Variants in LTF observed in about 807,000 individuals in gnomAD.
LTF encodes the protein epididymis luminal protein 110.
A neutral mutation model predicts 87.2 loss-of-function variants in LTF; 91 were observed. The ratio of observed to expected loss-of-function variants is 1.04; its 90% CI spans 0.88 to 1.24. The LOEUF (loss-of-function observed/expected upper bound fraction) is 1.24, where lower values mean the gene tolerates loss of function less well. LTF is among the 50% of genes most tolerant of loss of function. LTF has a pLI of 0.00. For synonymous variants in LTF, 378 were observed against 356.1 expected (o/e 1.06, Z -0.69); for missense variants, 901 against 904.3 (o/e 1.00, Z 0.05).
At chr3:46,439,513 C>A (rs754048524) in intron 14 of LTF, 33 bp from the exon 15 acceptor site, 2 of 1,565,248 alleles carry the variant, frequency 1.3e-6, no homozygotes, top group South Asian at 1.2e-5. Context: ...ATCATCCACG[C>A]CTCCCCTGCT....
In LTF at chr3:46,448,889, T is replaced by C. The variant is rs1702724972; in HGVS notation, c.1186A>G (p.Thr396Ala). Residue 396 changes from threonine (T) to alanine (A), a missense_variant, in exon 9 of 17, where the codon ACA becomes GCA. Transcript: ENST00000231751. ...GSVTCSSAST[T>A]EDCIALVLKG... ...AGCACCAGGGCGATGCAGTCCTCTG[T>C]GGTGGAGGCCGAGGAGCAGGTCACG... 1 of 1,613,514 alleles carries C rather than the reference T, an allele frequency of 6.2e-7. No homozygotes were observed. The highest frequency in any genetic ancestry group is 8.5e-7 in the Non-Finnish European group (1 of 1,179,832).
chr3:46,482,077 T>C (rs191481438), intron 1 of LTF, among the ~76,000 whole-genome samples: 54 of 152,298 alleles, frequency 3.5e-4, no homozygotes, highest in African/African-American at 1.3e-3. Context: ...TTTTTGATAC[T>C]GGAGAAATAT....
At chr3:46,462,876 G>A (rs1431984232) in intron 1 of LTF, among the ~76,000 whole-genome samples, 1 of 139,508 alleles carries the variant, frequency 7.2e-6, no homozygotes, top group African/African-American at 2.7e-5. Context: ...TAAAATGGAA[G>A]ACCATGCCTC....
At chr3:46,473,623 C>T (rs115783274) in intron 1 of LTF, among the ~76,000 whole-genome samples, 1,868 of 152,200 alleles carry the variant, frequency 0.012, 18 homozygotes, top group Non-Finnish European at 0.019. Context: ...TTTTTTTCAG[C>T]TTCTAGAGGC....
At chr3:46,484,462 C>T (rs900971384) in intron 1 of LTF, among the ~76,000 whole-genome samples, 1 of 152,118 alleles carries the variant, frequency 6.6e-6, no homozygotes. Context: ...ACTGAGGTTC[C>T]CTCCAGGCAG....
chr3:46,465,124 T>C, upstream of LTF: 1 of 551,046 alleles, frequency 1.8e-6, no homozygotes, highest in Non-Finnish European at 3.2e-6. Flanking sequence ...GCTGCTGCGA[T>C]GTTCTTTCTC....
At chr3:46,460,726 G>A in intron 1 of LTF, 2 of 278,214 alleles carry the variant, frequency 7.2e-6, no homozygotes, top group Non-Finnish European at 1.5e-5. Flanking sequence ...ACAGCAATAA[G>A]GCAAGAAAAG....
At chr3:46,461,898 G>T (rs2106899895) in intron 1 of LTF, among the ~76,000 whole-genome samples, 1 of 152,306 alleles carries the variant, frequency 6.6e-6, no homozygotes, top group African/African-American at 2.4e-5. Flanking sequence ...CTATGGGGTA[G>T]AATGTTCAGC....
intron 2 of LTF, among the ~76,000 whole-genome samples, chr3:46,457,811 G>C (rs142428266): frequency 2.6e-5 from 4 of 151,676 alleles, no homozygotes; most frequent in African/African-American, 9.7e-5. Context: ...TTTTTCGAGC[G>C]GAGTCACCCA....
chr3:46,475,557 CACACACACA>C (rs1559612491), intron 1 of LTF, among the ~76,000 whole-genome samples: 8 of 151,612 alleles, frequency 5.3e-5, no homozygotes, highest in Admixed American at 1.3e-4. Flanking sequence ...CACACACACA[CACACACACA>C]CCCTCTCTTC....
rs1362539033 is a variant in LTF at position 46,436,173 on chromosome 3, A to G, written c.*22T>C. On this transcript the variant is annotated 3_prime_UTR_variant, in exon 17 of 17. Transcript: ENST00000231751. ...GTGAATGGCTGAGGCTTTCTTGGGG[A>G]GCTGGGCCATCTTCTTCGGTTTTAC... 4.3e-6 allele frequency: 7 copies of G among 1,613,920 alleles called. No individual in the cohort carries two copies. Among genetic ancestry groups the G allele is most frequent in the Non-Finnish European group, 8.5e-7 (1 of 1,179,776 alleles).
chr3:46,466,028 C>G (rs1028980367), upstream of LTF, among the ~76,000 whole-genome samples: 3 of 152,144 alleles, frequency 2.0e-5, no homozygotes, highest in African/African-American at 4.8e-5. Flanking sequence ...CGCTTGAGCC[C>G]AGGAGTTCAA....
chr3:46,465,257 CT>C (rs1337275463), upstream of LTF: 1 of 242,706 alleles, frequency 4.1e-6, no homozygotes, highest in African/African-American at 2.3e-5. Context: ...TCGCCTTGAC[CT>C]GTGAGACTGC....
Position 46,447,394 on chromosome 3 carries a change from C to T in LTF, c.1217G>A (p.Gly406Glu), listed in dbSNP as rs747659801. 3.7e-5 allele frequency: 60 copies of T among 1,613,042 alleles called. No individual in the cohort carries two copies. In the Admixed American group the frequency reaches 9.8e-4, roughly 26 times the overall value. The change falls in exon 10 of 17, where the codon GGA becomes GAA. Residue 406 changes from glycine (G) to glutamate (E), a missense_variant. Physicochemically the swap from Gly to Glu is moderately conservative, Grantham distance 98. Coordinates refer to ENST00000231751, the MANE Select transcript of LTF (RefSeq NM_002343.6). ...TEDCIALVLK[G>E]EADAMSLDGG... ...ATCCAAACTCATGGCATCAGCTTCT[C>T]CTTTCTGCAAAGACAGAGCAGATCT...
chr3:46,461,807 C>A (rs1469895988), intron 1 of LTF, among the ~76,000 whole-genome samples: 1 of 152,168 alleles, frequency 6.6e-6, no homozygotes, highest in South Asian at 2.1e-4. Flanking sequence ...AAAGCTGTTA[C>A]CAAAAACTAA....
At chr3:46,440,433 T>C (rs189575877) in intron 14 of LTF, among the ~76,000 whole-genome samples, 5 of 152,356 alleles carry the variant, frequency 3.3e-5, no homozygotes, top group African/African-American at 1.2e-4. Context: ...AAAATTAAAT[T>C]TGACATCAAT....
At chr3:46,482,423 TCACACCATTGAACTC>T (rs1198191319) in intron 1 of LTF, among the ~76,000 whole-genome samples, 1 of 149,260 alleles carries the variant, frequency 6.7e-6, no homozygotes, top group Non-Finnish European at 1.5e-5. Context: ...TGAGCTGTGA[TCACACCATTGAACTC>T]CAGCCTGGAC....
Position 46,449,985 on chromosome 3 carries a change from C to T in LTF, c.926G>A (p.Gly309Asp). The change falls in exon 8 of 17, where the codon GGC becomes GAC. Residue 309 changes from glycine to aspartate, a missense_variant. By Grantham distance (94) the Gly-to-Asp change is moderately conservative (BLOSUM62 -1). Coordinates refer to ENST00000231751, the MANE Select transcript of LTF (RefSeq NM_002343.6). Reference sequence around the variant, plus strand: ...CAGATCTTTCTGCCCACTAGGGGAGCCAAAGAGCTGGAATTTCGGTGACTT... The same window carrying T: ...CAGATCTTTCTGCCCACTAGGGGAGTCAAAGAGCTGGAATTTCGGTGACTT... ...KDKSPKFQLF[G>D]SPSGQKDLLF... is the part of the protein sequence containing the mutation. The T allele has an allele frequency of 1.9e-6, 3 of 1,609,936 alleles. No homozygotes were observed. The highest frequency in any genetic ancestry group is 2.5e-6 in the Non-Finnish European group (3 of 1,178,210).
At chr3:46,445,200 C>G in intron 12 of LTF, 81 bp downstream of exon 12, 1 of 1,380,654 alleles carries the variant, frequency 7.2e-7, no homozygotes, top group East Asian at 2.5e-5. Flanking sequence ...AAATCCCCTC[C>G]CCTCCCTTCC....
Sources: allele counts gnomAD v4.1 joint callset (sites outside exome capture counted in the v4.1 genomes callset), GRCh38; gene constraint gnomAD v4.1.1; transcripts MANE v1.5; gene names NCBI Gene and HGNC (gene_info 2026-07-23, HGNC 2026-07-21).